The following ATP2B2 variants were observed in gnomAD, a reference collection of about 807,000 sequenced individuals.
ATP2B2 encodes the protein plasma membrane calcium-transporting ATPase 2.
ATP2B2 carries 15 observed loss-of-function variants against 120.0 expected under a neutral mutation model. The ratio of observed to expected loss-of-function variants is 0.12; its 90% CI spans 0.08 to 0.19. The LOEUF is 0.19. Ranked by LOEUF, ATP2B2 falls within the 10% of genes least tolerant of loss-of-function variation. The probability of loss-of-function intolerance (pLI) is 1.00; values close to 1 mark genes in which losing one functional copy is unlikely to be tolerated. For missense variants in ATP2B2, 1,045 were observed against 1,719.8 expected (o/e 0.61, Z 6.94); for synonymous variants, 694 against 700.3 (o/e 0.99, Z 0.14).
chr3:10,402,493 C>G lies in ATP2B2; in HGVS notation c.398-145G>C. 8.0e-7 allele frequency: 1 copy of G among 1,256,324 alleles called. No individual in the cohort carries two copies. The highest frequency in any genetic ancestry group is 1.1e-6 in the Non-Finnish European group (1 of 883,494). 77.8% of individuals were successfully genotyped at this position (1,256,324 alleles called of 1,614,324 possible). On this transcript the variant is annotated intron_variant, in intron 3 of 22. Coordinates refer to ENST00000360273, the MANE Select transcript of ATP2B2 (RefSeq NM_001001331.4). This position sits in a 1 kb window ranked among gnomAD's most constrained non-coding sequence, Gnocchi z 4.9. Reference sequence around the variant, plus strand: ...CCACTTACTCAGTGTGTCTGGGTACCAAGCCCTGTGGAAAGTGCTTCACGC... The same window carrying G: ...CCACTTACTCAGTGTGTCTGGGTACGAAGCCCTGTGGAAAGTGCTTCACGC...
At chr3:10,338,481 C>T (rs983202001) in intron 21 of ATP2B2, 123 bp from the exon 22 acceptor site, 2 of 909,066 alleles carry the variant, frequency 2.2e-6, no homozygotes, top group Non-Finnish European at 3.5e-6. Context: ...TCAATCTACT[C>T]CTTCACCCAC....
At chr3:10,700,640 C>T (rs564741994) in intron 1 of ATP2B2, among the ~76,000 whole-genome samples, 2 of 152,360 alleles carry the variant, frequency 1.3e-5, no homozygotes, top group African/African-American at 4.8e-5. Context: ...GACTCAAAAA[C>T]ATCTCCAAAC....
chr3:10,406,858 C>T (rs1341742012), intron 3 of ATP2B2, among the ~76,000 whole-genome samples: 1 of 152,232 alleles, frequency 6.6e-6, no homozygotes, highest in East Asian at 1.9e-4. Context: ...CAGTCACTTG[C>T]TGGGAGTTGC....
At chr3:10,585,802 G>T (rs555411162) in intron 2 of ATP2B2, among the ~76,000 whole-genome samples, 1 of 151,920 alleles carries the variant, frequency 6.6e-6, no homozygotes, top group Admixed American at 6.6e-5. Flanking sequence ...TTTTCCCCTC[G>T]TCATTTTCCA....
chr3:10,605,482 A>C (rs115356327), intron 2 of ATP2B2, among the ~76,000 whole-genome samples: 1,929 of 152,228 alleles, frequency 0.013, 35 homozygotes, highest in African/African-American at 0.043. Context: ...TGGACCAGAG[A>C]GGGCAGGCTG....
At chr3:10,350,655 G>C in intron 14 of ATP2B2, 78 bp from the exon 15 acceptor site, 1 of 1,501,694 alleles carries the variant, frequency 6.7e-7, no homozygotes, top group Non-Finnish European at 9.1e-7. Flanking sequence ...TTCCAGAGGA[G>C]CCCTTCTCAC....
intron 10 of ATP2B2, 44 bp downstream of exon 10, chr3:10,378,208 C>T (rs758725471): frequency 3.1e-6 from 5 of 1,590,928 alleles, no homozygotes; most frequent in Non-Finnish European, 4.3e-6. Flanking sequence ...TGCCTGGGGT[C>T]CCCCTGTGAG....
intron 14 of ATP2B2, among the ~76,000 whole-genome samples, chr3:10,351,136 A>G (rs2125413224): frequency 6.6e-6 from 1 of 152,234 alleles, no homozygotes; most frequent in East Asian, 1.9e-4. Flanking sequence ...TTTCTCTGCA[A>G]TAATAAGGAT....
At chr3:10,495,067 G>A (rs2066089574) in intron 1 of ATP2B2, among the ~76,000 whole-genome samples, 1 of 152,234 alleles carries the variant, frequency 6.6e-6, no homozygotes, top group Non-Finnish European at 1.5e-5. Flanking sequence ...TGTCTTGTAG[G>A]GAGGCAGGAT....
At chr3:10,512,464 G>GCACACACACACACACACACACACA (rs6147706) in intron 3 of ATP2B2, among the ~76,000 whole-genome samples, 1 of 136,926 alleles carries the variant, frequency 7.3e-6, no homozygotes, top group East Asian at 2.2e-4. Flanking sequence ...AAGTGTGTGC[G>GCACACACACACACACACACACACA]CACACACACA....
chr3:10,523,465 T>C (rs947345794), intron 3 of ATP2B2, among the ~76,000 whole-genome samples: 1 of 152,220 alleles, frequency 6.6e-6, no homozygotes, highest in Non-Finnish European at 1.5e-5. Context: ...ACCCTAGCCC[T>C]CATTGCTCAT....
chr3:10,488,100 G>GCCAT (rs943539240), intron 1 of ATP2B2, among the ~76,000 whole-genome samples: 20 of 143,650 alleles, frequency 1.4e-4, no homozygotes, highest in East Asian at 4.1e-4. Context: ...CATCCATCCA[G>GCCAT]CCATCCATCC....
At chr3:10,633,790 T>C (rs1352152638) in intron 1 of ATP2B2, among the ~76,000 whole-genome samples, 1 of 152,222 alleles carries the variant, frequency 6.6e-6, no homozygotes, top group Non-Finnish European at 1.5e-5. Context: ...TTCCATTCTA[T>C]AGTTGAGGCA....
intron 1 of ATP2B2, among the ~76,000 whole-genome samples, chr3:10,661,016 GT>G (rs1659157627): frequency 6.6e-6 from 1 of 152,058 alleles, no homozygotes; most frequent in Non-Finnish European, 1.5e-5. Flanking sequence ...ATCTCAATAG[GT>G]GCAGAAAAGG....
chr3:10,676,252 C>A (rs1489730997), intron 1 of ATP2B2, among the ~76,000 whole-genome samples: 1 of 152,134 alleles, frequency 6.6e-6, no homozygotes, highest in East Asian at 1.9e-4. Flanking sequence ...GACCTCAGAT[C>A]CAAGGTTTTT....
chr3:10,504,654 C>T (rs2066539717), intron 1 of ATP2B2, among the ~76,000 whole-genome samples: 1 of 152,064 alleles, frequency 6.6e-6, no homozygotes, highest in Admixed American at 6.5e-5. Flanking sequence ...CTGCTGTCCG[C>T]AACCCACCCT....
At chr3:10,689,121 C>A (rs2071594437) in intron 1 of ATP2B2, among the ~76,000 whole-genome samples, 1 of 152,226 alleles carries the variant, frequency 6.6e-6, no homozygotes, top group Non-Finnish European at 1.5e-5. Flanking sequence ...ATGGGGACAC[C>A]TGAGCCTTCC....
At position 10,596,521 on chromosome 3, in the gene ATP2B2, C is replaced by T. The variant is rs185150549; in HGVS notation, c.-415+23396G>A. ...GGCTTTGAAATCAAAGTTCTTAGAA[C>T]ATTTTTAGTAGCATGCCCCATATAA... On this transcript the variant is annotated intron_variant, in intron 2 of 21. Transcript: ENST00000646379. Among the ~76,000 whole-genome samples, 72 of 152,342 alleles carry T rather than the reference C, an allele frequency of 4.7e-4. 2 individuals are homozygous for T. Among genetic ancestry groups the T allele is most frequent in the Admixed American group, 4.6e-3 (70 of 15,302 alleles).
intron 14 of ATP2B2, among the ~76,000 whole-genome samples, chr3:10,353,518 G>C (rs1246680049): frequency 6.6e-6 from 1 of 152,228 alleles, no homozygotes. Context: ...ATCTGGAGGG[G>C]CTGAGGGAAG....
Sources: gnomAD v4.1 joint callset for allele counts (sites outside exome capture counted in the v4.1 genomes callset) on GRCh38, gnomAD v4.1.1 for gene constraint, Gnocchi (gnomAD v3.1) non-coding constraint, MANE v1.5 for transcripts, NCBI Gene and HGNC (gene_info 2026-07-23, HGNC 2026-07-21) for gene names.